SIL1: variants seen among roughly 807,000 people sequenced by gnomAD.
The protein encoded by SIL1 is SIL1 nucleotide exchange factor, also known as nucleotide exchange factor SIL1.
Under a neutral mutation model 49.1 loss-of-function variants are expected in SIL1, and 40 were observed. The observed-to-expected ratio is 0.81, with a 90% CI of 0.63 to 1.06. The LOEUF (loss-of-function observed/expected upper bound fraction) is 1.06. Among genes scored for constraint, SIL1 ranks in the 50% least tolerant of loss-of-function variants. The pLI is 0.00. For missense variants in SIL1, 500 were observed against 572.6 expected, an observed-to-expected ratio of 0.87 and a Z score of 1.29; for synonymous variants, 253 against 250.8, an observed-to-expected ratio of 1.01 and a Z score of -0.08.
intron 7 of SIL1, among the ~76,000 whole-genome samples, chr5:138,989,153 G>T (rs1383076874): frequency 1.3e-5 from 2 of 152,164 alleles, no homozygotes; most frequent in African/African-American, 2.4e-5. Context: ...AATCAGAGTT[G>T]AAAACATGAA....
Position 139,184,672 on chromosome 5 carries a change from TA to T in SIL1, c.-11+13596del, listed in dbSNP as rs1045139398. Among the ~76,000 whole-genome samples the T allele has an allele frequency of 4.6e-5, 7 of 152,154 alleles. No homozygotes were observed. The South Asian group carries it at 1.2e-3, about 27-fold the overall frequency. On this transcript the variant is annotated intron_variant, in intron 1 of 9. Transcript: ENST00000394817. Reference sequence around the variant, plus strand: ...CTGGGTGTGAGTGAGATGTTGTCTCTAAAAAAACTACAACTAAAAAATAAAT... The same window carrying T: ...CTGGGTGTGAGTGAGATGTTGTCTCTAAAAAACTACAACTAAAAAATAAAT...
chr5:139,090,608 A>G (rs1200167279), intron 3 of SIL1, among the ~76,000 whole-genome samples: 1 of 152,122 alleles, frequency 6.6e-6, no homozygotes, highest in East Asian at 1.9e-4. Flanking sequence ...TCTCAAATCT[A>G]TAGGGAAAGC....
At position 138,965,695 on chromosome 5, in the gene SIL1, GA is replaced by G. The variant is rs140433733; in HGVS notation, c.768-13812del. On this transcript the variant is annotated intron_variant, in intron 7 of 9. Transcript: ENST00000394817. The stretch of plus-strand genomic sequence containing the variant: ...CTAACTCTAGGCACCCACGGAGGGG[GA>G]TAACAGCACTCCAGAGGGAAGTGTC... Among the ~76,000 whole-genome samples, 658 of 149,964 alleles carry G rather than the reference GA, an allele frequency of 4.4e-3. 4 individuals are homozygous for G. The highest frequency in any genetic ancestry group is 0.016 in the African/African-American group (636 of 40,642).
chr5:139,043,446 T>G (rs1769089547), intron 4 of SIL1, among the ~76,000 whole-genome samples: 2 of 152,212 alleles, frequency 1.3e-5, no homozygotes, highest in South Asian at 4.1e-4. Context: ...CTGAACTGAT[T>G]AGACAAGGCA....
chr5:139,007,090 G>C (rs1161183525), intron 7 of SIL1, among the ~76,000 whole-genome samples: 2 of 135,438 alleles, frequency 1.5e-5, no homozygotes, highest in East Asian at 2.0e-4. Flanking sequence ...TCCTACCCAT[G>C]AGCATGGAAT....
chr5:139,154,223 T>C (rs917831840), intron 1 of SIL1, among the ~76,000 whole-genome samples: 1 of 133,540 alleles, frequency 7.5e-6, no homozygotes, highest in Non-Finnish European at 1.7e-5. Flanking sequence ...TGAGCCAAAA[T>C]ATCAGGTAAA....
chr5:139,009,917 T>C (rs1221590476), intron 7 of SIL1, among the ~76,000 whole-genome samples: 2 of 151,324 alleles, frequency 1.3e-5, no homozygotes, highest in African/African-American at 2.4e-5. Context: ...ATTTCAACTT[T>C]GGTGAATCTG....
chr5:139,070,931 A>G (rs1769817780), intron 3 of SIL1, among the ~76,000 whole-genome samples: 1 of 152,210 alleles, frequency 6.6e-6, no homozygotes, highest in African/African-American at 2.4e-5. Flanking sequence ...TAAAAAAGAA[A>G]TGATAGATTT....
chr5:138,980,330 G>A (rs1410217759), intron 7 of SIL1, among the ~76,000 whole-genome samples: 1 of 152,204 alleles, frequency 6.6e-6, no homozygotes, highest in Non-Finnish European at 1.5e-5. Context: ...CCGAGAGGAG[G>A]CATTTTAGTC....
rs752679472 is a variant in SIL1 at position 138,947,108 on chromosome 5, T to C, written c.*9A>G. On this transcript the variant is annotated 3_prime_UTR_variant, in exon 10 of 10. Coordinates refer to ENST00000394817, the MANE Select transcript of SIL1 (RefSeq NM_022464.5). This position sits in a 1 kb window ranked among gnomAD's most constrained non-coding sequence, Gnocchi z 4.1. ...TAGCGGCATCCCAGTCCAGTCCTGG[T>C]GTGGGGCCTCATCTCAGCTCCTTCA... 1.3e-5 allele frequency: 21 copies of C among 1,603,008 alleles called. No homozygotes were observed. The highest frequency in any genetic ancestry group is 2.2e-5 in the East Asian group (1 of 44,642).
Position 139,050,976 on chromosome 5 carries a change from T to C in SIL1, c.315A>G (p.Gln105=), listed in dbSNP as rs769644168. 6 of 1,614,208 alleles carry C rather than the reference T, an allele frequency of 3.7e-6. No individual in the cohort carries two copies. The highest frequency in any genetic ancestry group is 5.1e-6 in the Non-Finnish European group (6 of 1,180,014). The change falls in exon 4 of 10, where the codon CAA becomes CAG. Residue 105 remains glutamine (Q), a synonymous_variant. Transcript: ENST00000394817. The part of the protein sequence containing the change: ...LQTGEREAKL[Q]YEDKFRNNLK... The stretch of plus-strand genomic sequence containing the variant: ...AATTATTTCGGAACTTGTCCTCATA[T>C]TGGAGTTTTGCCTCTCTTTCCCCAG...
At chr5:139,126,164 T>C (rs1341562267) in intron 2 of SIL1, among the ~76,000 whole-genome samples, 1 of 152,204 alleles carries the variant, frequency 6.6e-6, no homozygotes, top group East Asian at 1.9e-4. Flanking sequence ...ATGCTTCAAC[T>C]CCTACTTGTG....
intron 5 of SIL1, among the ~76,000 whole-genome samples, chr5:139,028,793 A>G (rs928896785): frequency 2.6e-5 from 4 of 152,182 alleles, no homozygotes; most frequent in Non-Finnish European, 5.9e-5. Context: ...GTATCATTCT[A>G]TGTAATTTTA....
At chr5:139,046,368 TA>T (rs1769165335) in intron 4 of SIL1, among the ~76,000 whole-genome samples, 1 of 152,084 alleles carries the variant, frequency 6.6e-6, no homozygotes, top group Non-Finnish European at 1.5e-5. Flanking sequence ...CCATTACAAT[TA>T]AAGGTGAATG....
At chr5:138,998,241 G>A (rs1767913323) in intron 7 of SIL1, among the ~76,000 whole-genome samples, 1 of 152,110 alleles carries the variant, frequency 6.6e-6, no homozygotes, top group African/African-American at 2.4e-5. Flanking sequence ...GTGTGGTGGT[G>A]TGATCACAGC....
At chr5:138,978,069 G>A (rs1212207339) in intron 7 of SIL1, among the ~76,000 whole-genome samples, 1 of 151,920 alleles carries the variant, frequency 6.6e-6, no homozygotes, top group Non-Finnish European at 1.5e-5. Context: ...ATGCTTTATT[G>A]AGGTAAAATT....
intron 1 of SIL1, among the ~76,000 whole-genome samples, chr5:139,182,964 C>T (rs1752017442): frequency 1.3e-5 from 2 of 152,202 alleles, no homozygotes; most frequent in Non-Finnish European, 2.9e-5. Context: ...TCTTACATGT[C>T]CACATAAATC....
Position 139,045,188 on chromosome 5 carries a change from C to T in SIL1, c.354-2469G>A, listed in dbSNP as rs1769126477. Among the ~76,000 whole-genome samples, 3 of 152,116 alleles carry T rather than the reference C, an allele frequency of 2.0e-5. No homozygotes were observed. In the South Asian group the frequency reaches 6.2e-4, roughly 32 times the overall value. On this transcript the variant is annotated intron_variant, in intron 4 of 9. Coordinates refer to ENST00000394817, the MANE Select transcript of SIL1 (RefSeq NM_022464.5). ...TAAGGGCAACATAGTAAGATTCTGT[C>T]TCTACAAAAAAATTGAAAATTAGCC...
intron 4 of SIL1, among the ~76,000 whole-genome samples, chr5:139,043,422 C>T (rs767493572): frequency 2.6e-5 from 4 of 152,192 alleles, no homozygotes; most frequent in Admixed American, 6.5e-5. Flanking sequence ...GGCCCTGAGC[C>T]CCACAGTGTG....
Sources: gnomAD v4.1 joint callset for allele counts (sites outside exome capture counted in the v4.1 genomes callset) on GRCh38, gnomAD v4.1.1 for gene constraint, Gnocchi (gnomAD v3.1) non-coding constraint, MANE v1.5 for transcripts, NCBI Gene and HGNC (gene_info 2026-07-23, HGNC 2026-07-21) for gene names.